NT5E: variants seen among roughly 807,000 people sequenced by gnomAD.
NT5E encodes 5'-nucleotidase ecto.
Under a neutral mutation model 55.1 loss-of-function variants are expected in NT5E, and 53 were observed. That is an observed-to-expected ratio of 0.96 (90% confidence interval 0.77 to 1.21). The LOEUF is 1.21. Among genes scored for constraint, NT5E ranks in the 50% most tolerant of loss-of-function variants. The pLI is 0.00. For missense variants in NT5E, 683 were observed against 724.3 expected, an observed-to-expected ratio of 0.94 and a Z score of 0.65; for synonymous variants, 270 against 278.4, an observed-to-expected ratio of 0.97 and a Z score of 0.30.
rs1243370973 is a variant in NT5E at position 85,471,229 on chromosome 6, T to C, written c.563-8T>C. The C allele has an allele frequency of 1.3e-6, 2 of 1,592,840 alleles. No individual in the cohort carries two copies. The highest frequency in any genetic ancestry group is 3.4e-5 in the Admixed American group (2 of 59,700). The stretch of plus-strand genomic sequence containing the variant: ...ATAAATATCCATTTTATTTATTTTG[T>C]TCCTTAGGGACAAATTTAGTGTTTG... On this transcript the variant is annotated splice_polypyrimidine_tract_variant and splice_region_variant and intron_variant, in intron 2 of 8. Coordinates refer to ENST00000257770, the MANE Select transcript of NT5E (RefSeq NM_002526.4).
chr6:85,462,050 C>T (rs1177934669), intron 1 of NT5E, among the ~76,000 whole-genome samples: 1 of 152,128 alleles, frequency 6.6e-6, no homozygotes, highest in African/African-American at 2.4e-5. Context: ...CTCTCCTGCC[C>T]GTGCCCTCAT....
chr6:85,493,939 T>G lies in NT5E; in HGVS notation c.1660T>G (p.Cys554Gly), dbSNP rs778545527. ...GATCAAGTTTTCCACAGGAAGTCAC[T>G]GCCATGGAAGCTTTTCTTTAATATT... ...GRIKFSTGSH[C>G]HGSFSLIFLS... The change falls in exon 9 of 9, where the codon TGC (cysteine) becomes GGC (glycine). Residue 554 changes from cysteine to glycine, a missense_variant. Physicochemically the swap from Cys to Gly is radical, Grantham distance 159. Transcript: ENST00000257770. 6.2e-7 allele frequency: 1 copy of G among 1,614,136 alleles called. No individual in the cohort carries two copies. Among genetic ancestry groups the G allele is most frequent in the Non-Finnish European group, 8.5e-7 (1 of 1,179,988 alleles).
chr6:85,478,610 C>G (rs1332214414), intron 3 of NT5E, among the ~76,000 whole-genome samples: 2 of 151,974 alleles, frequency 1.3e-5, no homozygotes, highest in Non-Finnish European at 2.9e-5. Context: ...CATCAGCTTT[C>G]TTTTTTTAAA....
chr6:85,481,692 T>A (rs1405242920), intron 3 of NT5E, among the ~76,000 whole-genome samples: 1 of 152,204 alleles, frequency 6.6e-6, no homozygotes, highest in East Asian at 1.9e-4. Flanking sequence ...AGGCTAAGAA[T>A]GCTGAAGGGC....
intron 4 of NT5E, among the ~76,000 whole-genome samples, chr6:85,486,315 A>T (rs189609880): frequency 4.6e-5 from 7 of 152,228 alleles, no homozygotes; most frequent in Admixed American, 3.9e-4. Context: ...ATTAATCAGC[A>T]GTAACAATTG....
chr6:85,484,643 C>T (rs1769612956), intron 3 of NT5E, among the ~76,000 whole-genome samples: 1 of 152,180 alleles, frequency 6.6e-6, no homozygotes, highest in Non-Finnish European at 1.5e-5. Context: ...TTTGTCATCT[C>T]TGCATCTTCT....
intron 3 of NT5E, among the ~76,000 whole-genome samples, chr6:85,476,607 C>T (rs1769442303): frequency 6.6e-6 from 1 of 152,158 alleles, no homozygotes; most frequent in Non-Finnish European, 1.5e-5. Flanking sequence ...AACTCTTGTT[C>T]AGCAACCAGG....
chr6:85,487,640 C>G (rs1769696660), intron 5 of NT5E, 151 bp downstream of exon 5: 1 of 1,063,330 alleles, frequency 9.4e-7, no homozygotes, highest in Non-Finnish European at 1.4e-6. Flanking sequence ...GCCTATAGTC[C>G]CAGCTACTCG....
intron 1 of NT5E, among the ~76,000 whole-genome samples, chr6:85,453,502 A>AT (rs1392129682): frequency 6.6e-6 from 1 of 151,970 alleles, no homozygotes; most frequent in Non-Finnish European, 1.5e-5. Context: ...TGCCTAAACT[A>AT]TTTTTGCTAT....
At position 85,490,503 on chromosome 6, in the gene NT5E, C is replaced by T; in HGVS notation, c.1211-5C>T. ...CCTTCTTGCCTCATCTGTGACTACC[C>T]TCAGGCACAATTACCTGGGAGAACC... On this transcript the variant is annotated splice_polypyrimidine_tract_variant and splice_region_variant and intron_variant, in intron 6 of 8. Coordinates refer to ENST00000257770, the MANE Select transcript of NT5E (RefSeq NM_002526.4). 3 of 1,614,170 alleles carry T rather than the reference C, an allele frequency of 1.9e-6. No individual in the cohort carries two copies. The highest frequency in any genetic ancestry group is 1.7e-6 in the Non-Finnish European group (2 of 1,179,996).
chr6:85,493,495 G>C (rs1422399496), intron 8 of NT5E, among the ~76,000 whole-genome samples: 1 of 152,122 alleles, frequency 6.6e-6, no homozygotes, highest in Non-Finnish European at 1.5e-5. Context: ...ACAAAAGGAA[G>C]CCAGTTTTAT....
At position 85,458,042 on chromosome 6, in the gene NT5E, T is replaced by A. The variant is rs1289185277; in HGVS notation, c.339+7564T>A. ...TCTAAGCCGAAATCAGCAGTAAGCATGTTTCTTCTCCCATAAAAACTTGTC... is the reference window on the plus strand; with the variant it reads ...TCTAAGCCGAAATCAGCAGTAAGCAAGTTTCTTCTCCCATAAAAACTTGTC... On this transcript the variant is annotated intron_variant, in intron 1 of 8. Transcript: ENST00000257770. Among the ~76,000 whole-genome samples, 4 of 152,218 alleles carry A rather than the reference T, an allele frequency of 2.6e-5. No homozygotes were observed. The East Asian group carries it at 7.7e-4, about 29-fold the overall frequency.
chr6:85,470,569 G>C (rs994299397), intron 2 of NT5E, among the ~76,000 whole-genome samples: 2 of 152,144 alleles, frequency 1.3e-5, no homozygotes, highest in Non-Finnish European at 1.5e-5. Context: ...TCCTGCCTCA[G>C]CCTTCCAAGT....
chr6:85,471,554 A>G, intron 3 of NT5E, 129 bp downstream of exon 3: 10 of 493,098 alleles, frequency 2.0e-5, no homozygotes, highest in Non-Finnish European at 3.1e-5. Context: ...GATCTATAAT[A>G]TATATGTAAT....
intron 3 of NT5E, among the ~76,000 whole-genome samples, chr6:85,475,763 G>C (rs527285211): frequency 3.3e-5 from 5 of 152,076 alleles, no homozygotes; most frequent in Non-Finnish European, 5.9e-5. Context: ...AATCAATCTG[G>C]CTAGCTATGG....
At chr6:85,457,513 C>A (rs1769012079) in intron 1 of NT5E, among the ~76,000 whole-genome samples, 1 of 152,132 alleles carries the variant, frequency 6.6e-6, no homozygotes, top group Non-Finnish European at 1.5e-5. Flanking sequence ...CTAATTTCTC[C>A]TTCACAGTTA....
Position 85,487,392 on chromosome 6 carries a change from C to T in NT5E, c.1007C>T (p.Thr336Ile), listed in dbSNP as rs1344115101. ...AGGATAAAATTGGATAATTATTCTA[C>T]CCAGGAATTAGGGAAAACAATTGTC... ...KWRIKLDNYS[T>I]QELGKTIVYL... The change falls in exon 5 of 9, where the codon ACC becomes ATC. Residue 336 changes from threonine (T) to isoleucine (I), a missense_variant. Coordinates refer to ENST00000257770, the MANE Select transcript of NT5E (RefSeq NM_002526.4). 1 of 1,613,554 alleles carries T rather than the reference C, an allele frequency of 6.2e-7. No individual in the cohort carries two copies. The highest frequency in any genetic ancestry group is 1.3e-5 in the African/African-American group (1 of 75,024).
Position 85,450,739 on chromosome 6 carries a change from A to G in NT5E, c.339+261A>G, listed in dbSNP as rs573199279. On this transcript the variant is annotated intron_variant, in intron 1 of 8. Transcript: ENST00000257770. This position sits in a 1 kb window ranked among gnomAD's most constrained non-coding sequence, Gnocchi z 4.0. ...ACCCAGTCCTGCCTGCGAGGGGCTT[A>G]AGGTGGGGTGCGTAGAAGCACTGAC... 1.1e-3 allele frequency among the ~76,000 whole-genome samples: 175 copies of G among 152,340 alleles called. No homozygotes were observed. The highest frequency in any genetic ancestry group is 4.0e-3 in the African/African-American group (167 of 41,584).
chr6:85,478,351 A>G (rs990844326), intron 3 of NT5E, among the ~76,000 whole-genome samples: 7 of 152,238 alleles, frequency 4.6e-5, no homozygotes, highest in Admixed American at 2.6e-4. Context: ...AATTATAAGG[A>G]AAGGTGATGG....
Sources: gnomAD v4.1 joint callset for allele counts (sites outside exome capture counted in the v4.1 genomes callset) on GRCh38, gnomAD v4.1.1 for gene constraint, Gnocchi (gnomAD v3.1) non-coding constraint, MANE v1.5 for transcripts, NCBI Gene and HGNC (gene_info 2026-07-23, HGNC 2026-07-21) for gene names.